Variants in NAA35 observed in about 807,000 individuals in gnomAD.
NAA35 encodes N-alpha-acetyltransferase 35, NatC auxiliary subunit.
NAA35 carries 18 observed loss-of-function variants against 101.7 expected under a neutral mutation model. The ratio of observed to expected loss-of-function variants is 0.18; its 90% CI spans 0.12 to 0.26. The LOEUF (loss-of-function observed/expected upper bound fraction) is 0.26. Ranked by LOEUF, NAA35 falls within the 10% of genes least tolerant of loss-of-function variation. The probability of loss-of-function intolerance (pLI) is 1.00; values close to 1 mark genes in which losing one functional copy is unlikely to be tolerated. For synonymous variants in NAA35, 267 were observed against 273.1 expected (o/e 0.98, Z 0.22); for missense variants, 601 against 886.8 (o/e 0.68, Z 4.09).
intron 11 of NAA35, among the ~76,000 whole-genome samples, chr9:85,983,717 A>G (rs529429734): frequency 6.6e-6 from 1 of 152,266 alleles, no homozygotes; most frequent in Admixed American, 6.5e-5. Flanking sequence ...CCTAATGTAG[A>G]TGATGGGTTG....
intron 11 of NAA35, among the ~76,000 whole-genome samples, chr9:85,981,637 T>C (rs1830444716): frequency 6.6e-6 from 1 of 152,178 alleles, no homozygotes; most frequent in Non-Finnish European, 1.5e-5. Flanking sequence ...TTATGTAAAA[T>C]TGGCTTGAAT....
At position 85,961,953 on chromosome 9, in the gene NAA35, A is replaced by G. The variant is rs539828714; in HGVS notation, c.349-60A>G. The stretch of plus-strand genomic sequence containing the variant: ...GCTCTGGCCTTTGACTCTAGGATCA[A>G]TTTAGACTTTGCAGACTCAGTTTAT... On this transcript the variant is annotated intron_variant, in intron 5 of 22. Coordinates refer to ENST00000361671, the MANE Select transcript of NAA35 (RefSeq NM_024635.4). The G allele has an allele frequency of 9.2e-6, 13 of 1,405,478 alleles. 1 individual carries two copies. The East Asian group carries it at 2.8e-4, about 30-fold the overall frequency. 87.1% of individuals were successfully genotyped at this position (1,405,478 alleles called of 1,614,324 possible). A position where few individuals can be genotyped will look rare whatever the true frequency, so the allele number is the denominator to read the frequency against.
At chr9:86,013,378 TATAAA>T (rs1450809715) in intron 16 of NAA35, among the ~76,000 whole-genome samples, 2 of 152,228 alleles carry the variant, frequency 1.3e-5, no homozygotes, top group East Asian at 3.8e-4. Context: ...ATGAAATATG[TATAAA>T]ATGATAGTTT....
chr9:86,001,565 A>G (rs775432670), intron 12 of NAA35, among the ~76,000 whole-genome samples: 5 of 151,782 alleles, frequency 3.3e-5, no homozygotes, highest in South Asian at 2.1e-4. Flanking sequence ...ATCTGGGTGC[A>G]TATATATTTA....
At chr9:86,012,519 A>G (rs1010859152) in intron 15 of NAA35, among the ~76,000 whole-genome samples, 4 of 152,210 alleles carry the variant, frequency 2.6e-5, no homozygotes, top group African/African-American at 7.2e-5. Flanking sequence ...ATAAAACAGT[A>G]TTATACTTTG....
intron 11 of NAA35, among the ~76,000 whole-genome samples, chr9:85,984,562 G>A (rs945227205): frequency 6.6e-6 from 1 of 152,190 alleles, no homozygotes; most frequent in African/African-American, 2.4e-5. Flanking sequence ...AGTGTCACAT[G>A]TGCAGCAGTA....
In NAA35 at chr9:86,018,754, T is replaced by G; in HGVS notation, c.1970T>G (p.Val657Gly). 1 of 1,614,136 alleles carries G rather than the reference T, an allele frequency of 6.2e-7. No homozygotes were observed. The highest frequency in any genetic ancestry group is 2.2e-5 in the East Asian group (1 of 44,874). ...SPPPQSPELYVAASKHFQQAK... is the reference protein window; with the variant it reads ...SPPPQSPELYGAASKHFQQAK... ...CCTCCTCAGTCTCCTGAACTGTATG[T>G]GGCAGCTAGTAAGCACTTTCAACAG... The change falls in exon 21 of 23, where the codon GTG (valine) becomes GGG (glycine). Residue 657 changes from valine to glycine, a missense_variant. Coordinates refer to ENST00000361671, the MANE Select transcript of NAA35 (RefSeq NM_024635.4).
intron 6 of NAA35, among the ~76,000 whole-genome samples, chr9:85,973,571 G>A (rs528133337): frequency 7.9e-5 from 12 of 152,236 alleles, no homozygotes; most frequent in African/African-American, 2.9e-4. Flanking sequence ...TAGAGGCCAG[G>A]TTTTCAGCCT....
chr9:85,974,955 C>T lies in NAA35; in HGVS notation c.517-12C>T, dbSNP rs201833721. The T allele has an allele frequency of 9.4e-6, 15 of 1,602,732 alleles. No individual in the cohort carries two copies. In the East Asian group the frequency reaches 3.4e-4, roughly 36 times the overall value. The stretch of plus-strand genomic sequence containing the variant: ...TGCTATTCATGAGCCTGATTATTTC[C>T]TTTTTGTATAGGAAGATTTTCAGTC... On this transcript the variant is annotated splice_polypyrimidine_tract_variant and intron_variant, in intron 6 of 22. Coordinates refer to ENST00000361671, the MANE Select transcript of NAA35 (RefSeq NM_024635.4).
At chr9:86,020,653 G>A (rs1240244664) in intron 21 of NAA35, among the ~76,000 whole-genome samples, 2 of 152,030 alleles carry the variant, frequency 1.3e-5, no homozygotes, top group African/African-American at 4.8e-5. Context: ...AGACCAGCCT[G>A]GGCAACACAG....
At chr9:86,007,596 T>A in intron 14 of NAA35, 132 bp downstream of exon 14, 1 of 579,226 alleles carries the variant, frequency 1.7e-6, no homozygotes, top group Non-Finnish European at 3.0e-6. Context: ...TTAATAGTGT[T>A]AAAATTAATT....
intron 11 of NAA35, among the ~76,000 whole-genome samples, chr9:85,992,288 A>T (rs1830952903): frequency 6.6e-6 from 1 of 152,184 alleles, no homozygotes; most frequent in African/African-American, 2.4e-5. Context: ...AAACTTAAGC[A>T]TCAAAGTAAA....
At chr9:85,975,277 T>C in intron 8 of NAA35, 120 bp downstream of exon 8, 1 of 1,020,522 alleles carries the variant, frequency 9.8e-7, no homozygotes, top group Non-Finnish European at 1.4e-6. Flanking sequence ...ATTTTTTTTT[T>C]GTAATGAATT....
chr9:85,950,769 G>A (rs1011977936), intron 2 of NAA35, among the ~76,000 whole-genome samples: 2 of 152,108 alleles, frequency 1.3e-5, no homozygotes, highest in East Asian at 3.8e-4. Context: ...TAAAATTATA[G>A]TCTATGTATG....
chr9:85,950,468 C>T (rs1417741829), intron 2 of NAA35, among the ~76,000 whole-genome samples: 2 of 152,160 alleles, frequency 1.3e-5, no homozygotes, highest in Non-Finnish European at 2.9e-5. Flanking sequence ...TGTTCTCGAA[C>T]TCCTGACCTC....
Position 86,009,853 on chromosome 9 carries a change from G to GTTATC in NAA35, c.1224-9_1224-5dup. 1 of 1,602,484 alleles carries GTTATC rather than the reference G, an allele frequency of 6.2e-7. No individual in the cohort carries two copies. Among genetic ancestry groups the GTTATC allele is most frequent in the Non-Finnish European group, 8.5e-7 (1 of 1,170,382 alleles). ...CTGAATAGATTTTAATGATGTGACT[G>GTTATC]TTATCTTGCAGGTGCTACCTATATA... On this transcript the variant is annotated splice_polypyrimidine_tract_variant and intron_variant, in intron 14 of 22. Transcript: ENST00000361671.
chr9:86,003,063 T>C (rs1831485482), intron 12 of NAA35, among the ~76,000 whole-genome samples: 1 of 152,206 alleles, frequency 6.6e-6, no homozygotes, highest in South Asian at 2.1e-4. Flanking sequence ...AGGGTCTTTA[T>C]TTGAAGCTGA....
In NAA35 at chr9:86,003,520, A is replaced by T. The variant is rs1831502597; in HGVS notation, c.1057-65A>T. 4 of 883,364 alleles carry T rather than the reference A, an allele frequency of 4.5e-6. No homozygotes were observed. In the East Asian group the frequency reaches 1.1e-4, roughly 23 times the overall value. The allele number at this position is 883,364 out of a possible 1,614,324, so 54.7% of individuals were successfully genotyped here. A position where few individuals can be genotyped will look rare whatever the true frequency, so the allele number is the denominator to read the frequency against. ...AAGGTCTAGTAAAAATTACAGTCTGATGAAGTGTTTTTAGCTTTTATTTAA... is the reference window on the plus strand; with the variant it reads ...AAGGTCTAGTAAAAATTACAGTCTGTTGAAGTGTTTTTAGCTTTTATTTAA... On this transcript the variant is annotated intron_variant, in intron 12 of 22. Transcript: ENST00000361671.
rs1829437316 is a variant in NAA35, at chr9:85,959,882, A to T, written c.348+15A>T. 6.3e-7 allele frequency: 1 copy of T among 1,582,530 alleles called. No individual in the cohort carries two copies. Among genetic ancestry groups the T allele is most frequent in the Non-Finnish European group, 8.7e-7 (1 of 1,155,896 alleles). ...TTTGCTGTTTGGTAAGAATGGAAATAAGACTATTGGTTAATTTTAAAACTG... is the reference window on the plus strand; with the variant it reads ...TTTGCTGTTTGGTAAGAATGGAAATTAGACTATTGGTTAATTTTAAAACTG... On this transcript the variant is annotated intron_variant, in intron 5 of 22. Coordinates refer to ENST00000361671, the MANE Select transcript of NAA35 (RefSeq NM_024635.4).
Sources: allele counts gnomAD v4.1 joint callset (sites outside exome capture counted in the v4.1 genomes callset), GRCh38; gene constraint gnomAD v4.1.1; transcripts MANE v1.5; gene names NCBI Gene and HGNC (gene_info 2026-07-23, HGNC 2026-07-21).